The following MME variants were observed in gnomAD, a reference collection of about 807,000 sequenced individuals.
The protein encoded by MME is membrane metalloendopeptidase, also known as neprilysin.
In MME, 98 loss-of-function variants were observed where a neutral mutation model predicts 113.2. The observed-to-expected ratio is 0.87, with a 90% confidence interval of 0.74 to 1.02. The LOEUF (loss-of-function observed/expected upper bound fraction) is 1.02. Ranked by LOEUF, MME falls within the 50% of genes least tolerant of loss-of-function variation. MME has a pLI of 0.00. For synonymous variants in MME, 292 were observed against 300.6 expected (o/e 0.97, Z 0.30); for missense variants, 836 against 896.0 (o/e 0.93, Z 0.86).
intron 16 of MME, among the ~76,000 whole-genome samples, chr3:155,157,434 A>G (rs1270179672): frequency 6.6e-6 from 1 of 152,114 alleles, no homozygotes; most frequent in African/African-American, 2.4e-5. Context: ...AGGGGCAAGA[A>G]TCACCACCAT....
intron 1 of MME, among the ~76,000 whole-genome samples, chr3:155,025,667 C>A (rs1576656761): frequency 7.1e-6 from 1 of 141,596 alleles, no homozygotes. Context: ...CAAGTGGTAT[C>A]AGATTTTTTC....
intron 8 of MME, among the ~76,000 whole-genome samples, chr3:155,135,707 T>A (rs561923695): frequency 6.6e-4 from 101 of 152,312 alleles, no homozygotes; most frequent in African/African-American, 2.4e-3. Context: ...GAGTGTTGAA[T>A]CTGTATATTA....
intron 1 of MME, among the ~76,000 whole-genome samples, chr3:155,049,678 T>G (rs539622569): frequency 2.5e-3 from 370 of 148,462 alleles, no homozygotes; most frequent in African/African-American, 7.8e-3. Context: ...TATCTATATA[T>G]AGAGAGAGAA....
intron 1 of MME, among the ~76,000 whole-genome samples, chr3:155,038,627 T>C (rs1713206755): frequency 6.6e-6 from 1 of 152,216 alleles, no homozygotes; most frequent in African/African-American, 2.4e-5. Context: ...TTGAGGAATA[T>C]GCTCCAAGAC....
At chr3:155,151,145 T>C (rs1721899133) in intron 16 of MME, among the ~76,000 whole-genome samples, 1 of 152,210 alleles carries the variant, frequency 6.6e-6, no homozygotes, top group Non-Finnish European at 1.5e-5. Context: ...GTTCAAGTCC[T>C]TGCTGTGTAT....
At chr3:155,052,367 C>G (rs1175950895) in intron 1 of MME, among the ~76,000 whole-genome samples, 4 of 152,244 alleles carry the variant, frequency 2.6e-5, no homozygotes, top group Non-Finnish European at 5.9e-5. Context: ...CTGCACTGCC[C>G]TAGAAGAGGT....
chr3:155,066,032 A>C (rs76941117), intron 1 of MME, among the ~76,000 whole-genome samples: 3 of 152,232 alleles, frequency 2.0e-5, no homozygotes, highest in Non-Finnish European at 4.4e-5. Context: ...TAGCAGAGCG[A>C]AGGGCTATTA....
chr3:155,104,639 A>C (rs777916576), intron 3 of MME, among the ~76,000 whole-genome samples: 3 of 152,188 alleles, frequency 2.0e-5, no homozygotes, highest in Non-Finnish European at 4.4e-5. Context: ...AAATAACACA[A>C]TGTTTAAACA....
intron 1 of MME, among the ~76,000 whole-genome samples, chr3:155,065,024 A>G (rs1714342716): frequency 6.6e-6 from 1 of 152,170 alleles, no homozygotes; most frequent in Non-Finnish European, 1.5e-5. Context: ...ATACTGCATA[A>G]GGGTCATCCT....
At chr3:155,106,961 G>A (rs776372728) in intron 3 of MME, among the ~76,000 whole-genome samples, 2 of 152,198 alleles carry the variant, frequency 1.3e-5, no homozygotes, top group Non-Finnish European at 2.9e-5. Context: ...GTGTGTTTGG[G>A]GTTAGGAAGC....
chr3:155,145,853 G>A (rs1276636386), intron 14 of MME, among the ~76,000 whole-genome samples: 1 of 152,092 alleles, frequency 6.6e-6, no homozygotes, highest in Non-Finnish European at 1.5e-5. Context: ...ATCATTAAGT[G>A]GGGGCTGGAT....
intron 3 of MME, among the ~76,000 whole-genome samples, chr3:155,105,115 A>G (rs980705195): frequency 6.6e-6 from 1 of 152,170 alleles, no homozygotes; most frequent in Non-Finnish European, 1.5e-5. Context: ...ATTGAAATGG[A>G]CTATGAGATA....
chr3:155,118,704 T>C, intron 7 of MME, 42 bp from the exon 8 acceptor site: 1 of 1,295,176 alleles, frequency 7.7e-7, no homozygotes, highest in Non-Finnish European at 1.1e-6. Flanking sequence ...CTTTTCTATA[T>C]TCACTGAATG....
At chr3:155,157,696 A>T (rs897113620) in intron 16 of MME, among the ~76,000 whole-genome samples, 1 of 152,174 alleles carries the variant, frequency 6.6e-6, no homozygotes, top group African/African-American at 2.4e-5. Context: ...GGTTCTGATT[A>T]TTACCAGGGA....
chr3:155,060,146 G>C (rs1714085066), intron 1 of MME, among the ~76,000 whole-genome samples: 1 of 152,114 alleles, frequency 6.6e-6, no homozygotes, highest in African/African-American at 2.4e-5. Flanking sequence ...TGGGAGACTG[G>C]GAACAAGAAT....
chr3:155,107,599 G>C (rs80035404), intron 3 of MME, among the ~76,000 whole-genome samples: 1 of 152,096 alleles, frequency 6.6e-6, no homozygotes, highest in Non-Finnish European at 1.5e-5. Context: ...AAGAAAAGAG[G>C]AATATAAGCA....
At position 155,182,813 on chromosome 3, in the gene MME, G is replaced by A. The variant is rs1167224786; in HGVS notation, c.*2354G>A. ...AATATAAGATTTTCTGGGCCTAAAGGATAGATCAAAGTCAAAAATAGCAAT... is the reference window on the plus strand; with the variant it reads ...AATATAAGATTTTCTGGGCCTAAAGAATAGATCAAAGTCAAAAATAGCAAT... On this transcript the variant is annotated 3_prime_UTR_variant, in exon 23 of 23. Coordinates refer to ENST00000360490, the MANE Select transcript of MME (RefSeq NM_007289.4). 2 of 152,224 alleles carry A rather than the reference G, an allele frequency of 1.3e-5. No homozygotes were observed. Among genetic ancestry groups the A allele is most frequent in the African/African-American group, 4.8e-5 (2 of 41,454 alleles). 9.4% of individuals were successfully genotyped at this position (152,224 alleles called of 1,614,324 possible).
At chr3:155,047,838 C>T (rs1177404289) in intron 1 of MME, among the ~76,000 whole-genome samples, 1 of 152,094 alleles carries the variant, frequency 6.6e-6, no homozygotes, top group East Asian at 1.9e-4. Context: ...CCGATTCAGG[C>T]AGTATGATCT....
intron 17 of MME, among the ~76,000 whole-genome samples, chr3:155,166,565 TA>T: frequency 6.6e-6 from 1 of 152,310 alleles, no homozygotes; most frequent in Non-Finnish European, 1.5e-5. Context: ...TCAAACTCCT[TA>T]CAGCACAAAA....
Sources: gnomAD v4.1 joint callset for allele counts (sites outside exome capture counted in the v4.1 genomes callset) on GRCh38, gnomAD v4.1.1 for gene constraint, MANE v1.5 for transcripts, NCBI Gene and HGNC (gene_info 2026-07-23, HGNC 2026-07-21) for gene names.